MOXD1: variants seen among roughly 807,000 people sequenced by gnomAD.
The protein encoded by MOXD1 is monooxygenase DBH like 1.
MOXD1 carries 62 observed loss-of-function variants against 66.6 expected under a neutral mutation model. The observed-to-expected ratio is 0.93, with a 90% CI of 0.76 to 1.15. The LOEUF (loss-of-function observed/expected upper bound fraction) is 1.15, where lower values mean the gene tolerates loss of function less well. Among genes scored for constraint, MOXD1 ranks in the 50% most tolerant of loss-of-function variants. The pLI is 0.00. For missense variants in MOXD1, 847 were observed against 754.6 expected, an observed-to-expected ratio of 1.12 and a Z score of -1.44; for synonymous variants, 303 against 281.9, an observed-to-expected ratio of 1.07 and a Z score of -0.75.
At chr6:132,326,840 CCTACTTTTATAGAAA>C (rs1775198975) in intron 6 of MOXD1, among the ~76,000 whole-genome samples, 1 of 152,146 alleles carries the variant, frequency 6.6e-6, no homozygotes, top group African/African-American at 2.4e-5. Context: ...TAGCTTGACA[CCTACTTTTATAGAAA>C]CATCACTCTT....
At chr6:132,304,056 G>A (rs1774632847) in intron 10 of MOXD1, among the ~76,000 whole-genome samples, 2 of 151,238 alleles carry the variant, frequency 1.3e-5, no homozygotes, top group African/African-American at 4.9e-5. Flanking sequence ...CCCCCAATAG[G>A]GTTTGAATGT....
intron 9 of MOXD1, among the ~76,000 whole-genome samples, chr6:132,317,208 G>C (rs181119195): frequency 3.3e-5 from 5 of 152,044 alleles, no homozygotes; most frequent in Admixed American, 3.3e-4. Flanking sequence ...TCCAGCTTTC[G>C]AAAACAAAGG....
chr6:132,306,646 A>G (rs932720392), intron 10 of MOXD1, among the ~76,000 whole-genome samples: 1 of 152,232 alleles, frequency 6.6e-6, no homozygotes, highest in Admixed American at 6.5e-5. Context: ...GAAGCCCATC[A>G]GACTAACAGT....
chr6:132,301,523 ATCTGAGCC>A (rs201348639), intron 10 of MOXD1, among the ~76,000 whole-genome samples: 2,473 of 152,168 alleles, frequency 0.016, 68 homozygotes, highest in African/African-American at 0.055. Context: ...TACATTTCTT[ATCTGAGCC>A]TCTCTGGACT....
intron 4 of MOXD1, among the ~76,000 whole-genome samples, chr6:132,330,914 G>A (rs745446246): frequency 2.0e-5 from 3 of 152,098 alleles, no homozygotes; most frequent in African/African-American, 7.2e-5. Context: ...GTTACATAGC[G>A]AGTCATGCCA....
intron 4 of MOXD1, among the ~76,000 whole-genome samples, chr6:132,369,264 A>G (rs1425338904): frequency 6.6e-6 from 1 of 152,198 alleles, no homozygotes; most frequent in East Asian, 1.9e-4. Context: ...CTAGTGCGGC[A>G]CGTTGCTGTC....
intron 4 of MOXD1, among the ~76,000 whole-genome samples, chr6:132,346,912 T>C (rs1024650766): frequency 2.0e-5 from 3 of 152,202 alleles, no homozygotes; most frequent in Non-Finnish European, 2.9e-5. Context: ...AAGCATTTAC[T>C]AAACGCTATA....
chr6:132,378,750 A>C (rs1325786734), intron 1 of MOXD1, among the ~76,000 whole-genome samples: 1 of 152,064 alleles, frequency 6.6e-6, no homozygotes, highest in Non-Finnish European at 1.5e-5. Flanking sequence ...CATGGGTAAA[A>C]ACCTTCCTAA....
At chr6:132,299,605 G>A (rs7762654) in intron 10 of MOXD1, among the ~76,000 whole-genome samples, 12,231 of 152,090 alleles carry the variant, frequency 0.08, 1,240 homozygotes, top group East Asian at 0.33. Flanking sequence ...AAAAGTGAAT[G>A]ACATAACTTG....
chr6:132,334,772 T>A (rs947511602), intron 4 of MOXD1, among the ~76,000 whole-genome samples: 1 of 152,206 alleles, frequency 6.6e-6, no homozygotes, highest in Admixed American at 6.5e-5. Flanking sequence ...GGGATAGAAT[T>A]TGATGCAAAG....
intron 4 of MOXD1, among the ~76,000 whole-genome samples, chr6:132,357,824 T>C (rs1775938512): frequency 6.6e-6 from 1 of 152,254 alleles, no homozygotes; most frequent in East Asian, 1.9e-4. Flanking sequence ...AGATAAGTAA[T>C]AAAAATTTAT....
chr6:132,304,002 G>C (rs1774631870), intron 10 of MOXD1, among the ~76,000 whole-genome samples: 1 of 151,198 alleles, frequency 6.6e-6, no homozygotes, highest in Non-Finnish European at 1.5e-5. Flanking sequence ...AAAATCTTGA[G>C]ATAGGAAGGG....
chr6:132,392,298 G>A, intron 1 of MOXD1: 1 of 1,597,452 alleles, frequency 6.3e-7, no homozygotes, highest in Middle Eastern at 1.7e-4. Context: ...AAGCAAGCAA[G>A]GCTGTAAGAA....
intron 9 of MOXD1, among the ~76,000 whole-genome samples, chr6:132,320,310 C>G (rs1775050448): frequency 6.6e-6 from 1 of 152,046 alleles, no homozygotes; most frequent in African/African-American, 2.4e-5. Context: ...CTAAGCCAGA[C>G]TCAAGCAGAC....
At chr6:132,312,270 A>G (rs960960034) in intron 10 of MOXD1, among the ~76,000 whole-genome samples, 5 of 152,142 alleles carry the variant, frequency 3.3e-5, no homozygotes, top group Admixed American at 6.5e-5. Flanking sequence ...AATAAAATAT[A>G]GAACCTGATT....
intron 8 of MOXD1, 108 bp downstream of exon 8, chr6:132,322,571 C>T (rs1464323363): frequency 1.8e-6 from 2 of 1,103,776 alleles, no homozygotes; most frequent in Non-Finnish European, 2.6e-6. Flanking sequence ...GTTAAGAATA[C>T]AGATGCAAGG....
chr6:132,397,748 A>G (rs1267681184), intron 1 of MOXD1, among the ~76,000 whole-genome samples: 1 of 152,176 alleles, frequency 6.6e-6, no homozygotes. Context: ...TCAAAATAAA[A>G]GAACAAACAG....
intron 9 of MOXD1, among the ~76,000 whole-genome samples, chr6:132,320,196 G>A (rs1775048179): frequency 6.6e-6 from 1 of 152,046 alleles, no homozygotes; most frequent in African/African-American, 2.4e-5. Context: ...TTTCTTGAAT[G>A]CTTGGTGGAA....
chr6:132,370,292 A>C (rs1240292438), intron 4 of MOXD1, among the ~76,000 whole-genome samples: 1 of 152,064 alleles, frequency 6.6e-6, no homozygotes, highest in Admixed American at 6.6e-5. Flanking sequence ...CAGACAACTT[A>C]AGGCAAGTCC....
Sources: gnomAD v4.1 joint callset for allele counts (sites outside exome capture counted in the v4.1 genomes callset) on GRCh38, gnomAD v4.1.1 for gene constraint, MANE v1.5 for transcripts, NCBI Gene and HGNC (gene_info 2026-07-23, HGNC 2026-07-21) for gene names.